CA5A: variants seen among roughly 807,000 people sequenced by gnomAD.
The protein encoded by CA5A is carbonic anhydrase 5A.
In CA5A, 28 loss-of-function variants were observed where a neutral mutation model predicts 37.1. That is an observed-to-expected ratio of 0.75 (90% confidence interval 0.56 to 1.03). The LOEUF (loss-of-function observed/expected upper bound fraction) is 1.03. Ranked by LOEUF, CA5A falls within the 50% of genes least tolerant of loss-of-function variation. The pLI is 0.00. For synonymous variants in CA5A, 171 were observed against 158.4 expected (o/e 1.08, Z -0.60); for missense variants, 444 against 399.9 (o/e 1.11, Z -0.94).
At position 87,914,445 on chromosome 16, in the gene CA5A, C is replaced by CT. The variant is rs367590002; in HGVS notation, c.341-9542_341-9541insA. ...GCCACGCGGCGGGTGCAGATGCGGACCCCCAGCCCCACGAGCTTGCAGTGC... is the reference window on the plus strand; with the variant it reads ...GCCACGCGGCGGGTGCAGATGCGGACTCCCCAGCCCCACGAGCTTGCAGTGC... On this transcript the variant is annotated intron_variant, in intron 2 of 6. Transcript: ENST00000649794. Among the ~76,000 whole-genome samples the CT allele has an allele frequency of 3.8e-3, 572 of 152,304 alleles. 4 individuals carry two copies. The highest frequency in any genetic ancestry group is 0.013 in the African/African-American group (530 of 41,560).
chr16:87,917,371 G>A (rs2056160930), intron 2 of CA5A, among the ~76,000 whole-genome samples: 1 of 152,190 alleles, frequency 6.6e-6, no homozygotes, highest in African/African-American at 2.4e-5. Context: ...AGCAAGAACA[G>A]GAACAGTGGC....
At chr16:87,887,834 G>A (rs888193508), downstream of CA5A, 15 of 287,540 alleles carry the variant, frequency 5.2e-5, no homozygotes, top group African/African-American at 2.6e-4. Flanking sequence ...TGAACCGTAA[G>A]AGAATCAATC....
At chr16:87,918,125 G>A (rs967166664) in intron 2 of CA5A, among the ~76,000 whole-genome samples, 2 of 152,202 alleles carry the variant, frequency 1.3e-5, no homozygotes, top group African/African-American at 2.4e-5. Context: ...AGCCTGGCAG[G>A]CACCCCCCAA....
chr16:87,904,286 G>A (rs1439283947), intron 3 of CA5A, among the ~76,000 whole-genome samples: 1 of 151,762 alleles, frequency 6.6e-6, no homozygotes, highest in African/African-American at 2.4e-5. Flanking sequence ...AGGTTGTGGT[G>A]AGCCAAGATT....
intron 6 of CA5A, among the ~76,000 whole-genome samples, chr16:87,891,279 C>A (rs1215172208): frequency 2.0e-5 from 3 of 151,426 alleles, no homozygotes; most frequent in Non-Finnish European, 4.4e-5. Context: ...ACCAGCCTGG[C>A]CAACATGGTG....
intron 1 of CA5A, among the ~76,000 whole-genome samples, chr16:87,927,875 A>T (rs74383837): frequency 6.6e-6 from 1 of 151,200 alleles, no homozygotes; most frequent in Non-Finnish European, 1.5e-5. Flanking sequence ...AAAAAAAAAA[A>T]TGCAGAAAAG....
rs148658734 is a variant in CA5A, at chr16:87,911,273, T to C, written c.341-6369A>G. Among the ~76,000 whole-genome samples, 775 of 152,220 alleles carry C rather than the reference T, an allele frequency of 5.1e-3. 4 individuals carry two copies. Among genetic ancestry groups the C allele is most frequent in the African/African-American group, 0.018 (734 of 41,554 alleles). ...GCGTCAGAACCGGCTCATGGAGATA[T>C]AATTGAACGATTGCCTCAGCGCGTG... On this transcript the variant is annotated intron_variant, in intron 2 of 6. Coordinates refer to ENST00000649794, the MANE Select transcript of CA5A (RefSeq NM_001739.2). This position sits in a 1 kb window ranked among gnomAD's most constrained non-coding sequence, Gnocchi z 4.6.
Position 87,924,904 on chromosome 16 carries a change from G to C in CA5A, c.340+1844C>G, listed in dbSNP as rs147127205. Among the ~76,000 whole-genome samples, 1,012 of 152,314 alleles carry C rather than the reference G, an allele frequency of 6.6e-3. 16 individuals are homozygous for C. The highest frequency in any genetic ancestry group is 0.023 in the African/African-American group (964 of 41,570). Reference sequence around the variant, plus strand: ...CTGAGTGCCGGCCTGGGGTGGCCTCGATTCTCTCCCTGCAGCCTTTGCAGT... The same window carrying C: ...CTGAGTGCCGGCCTGGGGTGGCCTCCATTCTCTCCCTGCAGCCTTTGCAGT... On this transcript the variant is annotated intron_variant, in intron 2 of 6. Coordinates refer to ENST00000649794, the MANE Select transcript of CA5A (RefSeq NM_001739.2).
chr16:87,929,438 G>A (rs1597588665), intron 1 of CA5A, among the ~76,000 whole-genome samples: 1 of 131,950 alleles, frequency 7.6e-6, no homozygotes, highest in Admixed American at 7.9e-5. Context: ...GATGACAAGA[G>A]CAAATTCGGT....
chr16:87,917,810 C>A (rs2056175541), intron 2 of CA5A, among the ~76,000 whole-genome samples: 1 of 135,900 alleles, frequency 7.4e-6, no homozygotes, highest in African/African-American at 3.0e-5. Context: ...CACATGTGCA[C>A]ACATGCACAC....
At chr16:87,926,039 A>G (rs146544119) in intron 2 of CA5A, among the ~76,000 whole-genome samples, 20 of 152,134 alleles carry the variant, frequency 1.3e-4, no homozygotes, top group Non-Finnish European at 2.8e-4. Context: ...CCTGGCCAAC[A>G]TGGCGACATC....
At chr16:87,902,054 G>GT in intron 4 of CA5A, 80 bp from the exon 5 acceptor site, 1 of 1,284,630 alleles carries the variant, frequency 7.8e-7, no homozygotes, top group Non-Finnish European at 1.1e-6. Context: ...AATACACCAC[G>GT]TTTTAAAAGC....
chr16:87,928,760 GTTTTTTTTTTTTT>G (rs60994571), intron 1 of CA5A, among the ~76,000 whole-genome samples: 53 of 57,948 alleles, frequency 9.1e-4, no homozygotes, highest in Admixed American at 7.2e-3. Context: ...TCTTTTCTTT[GTTTTTTTTTTTTT>G]TTTTTTTTTT....
At chr16:87,913,818 C>T (rs534751374) in intron 2 of CA5A, among the ~76,000 whole-genome samples, 2 of 152,300 alleles carry the variant, frequency 1.3e-5, no homozygotes, top group South Asian at 2.1e-4. Flanking sequence ...CTTGCAGGCT[C>T]GCTGAGTAGA....
At chr16:87,888,963 A>T (rs1361148655) in intron 6 of CA5A, among the ~76,000 whole-genome samples, 1 of 143,714 alleles carries the variant, frequency 7.0e-6, no homozygotes, top group Non-Finnish European at 1.5e-5. Flanking sequence ...CCTGTTGCCC[A>T]GACTGGAGTG....
chr16:87,918,959 G>C (rs1434774499), intron 2 of CA5A, among the ~76,000 whole-genome samples: 1 of 147,150 alleles, frequency 6.8e-6, no homozygotes, highest in Non-Finnish European at 1.5e-5. Context: ...AGGAAACTGG[G>C]TTTTGGAGAA....
intron 5 of CA5A, among the ~76,000 whole-genome samples, chr16:87,892,604 C>A (rs1282567174): frequency 2.0e-5 from 3 of 148,914 alleles, no homozygotes; most frequent in Non-Finnish European, 3.0e-5. Flanking sequence ...TTTTAGCATA[C>A]CTTGGCTGCA....
chr16:87,888,337 C>T, intron 6 of CA5A, 65 bp from the exon 7 acceptor site: 2 of 1,457,252 alleles, frequency 1.4e-6, no homozygotes, highest in African/African-American at 1.4e-5. Flanking sequence ...TCTGGGTGTC[C>T]CTCAGGCCTT....
intron 1 of CA5A, among the ~76,000 whole-genome samples, chr16:87,935,449 C>T (rs1343709165): frequency 2.6e-5 from 4 of 152,188 alleles, no homozygotes; most frequent in South Asian, 4.1e-4. Flanking sequence ...CCCATTCCGC[C>T]GGGTCTGGAT....
Sources: allele counts gnomAD v4.1 joint callset (sites outside exome capture counted in the v4.1 genomes callset), GRCh38; gene constraint gnomAD v4.1.1; non-coding constraint Gnocchi (gnomAD v3.1); transcripts MANE v1.5; gene names NCBI Gene and HGNC (gene_info 2026-07-23, HGNC 2026-07-21).